The following CHRNA7 variants were observed in gnomAD, a reference collection of about 807,000 sequenced individuals.
CHRNA7 encodes the protein neuronal acetylcholine receptor subunit alpha-7.
In CHRNA7, 17 loss-of-function variants were observed where a neutral mutation model predicts 48.0. That is an observed-to-expected ratio of 0.35 (90% CI 0.24 to 0.53). The LOEUF (loss-of-function observed/expected upper bound fraction) is 0.53. Among genes scored for constraint, CHRNA7 ranks in the 20% least tolerant of loss-of-function variants. The pLI is 0.92. For missense variants in CHRNA7, 155 were observed against 577.7 expected (o/e 0.27, Z 7.50); for synonymous variants, 75 against 242.3 (o/e 0.31, Z 6.41).
chr15:32,069,786 T>G (rs531404213), intron 2 of CHRNA7, among the ~76,000 whole-genome samples: 1 of 152,294 alleles, frequency 6.6e-6, no homozygotes, highest in Non-Finnish European at 1.5e-5. Flanking sequence ...AATTGTTCAG[T>G]GTGAAAAGAG....
chr15:32,098,300 G>A (rs1484849051), intron 2 of CHRNA7, among the ~76,000 whole-genome samples: 1 of 152,182 alleles, frequency 6.6e-6, no homozygotes, highest in East Asian at 1.9e-4. Context: ...AAAAGGCTGT[G>A]GGGAAAGGGG....
chr15:32,148,431 C>T (rs922462833), intron 4 of CHRNA7, among the ~76,000 whole-genome samples: 23 of 152,278 alleles, frequency 1.5e-4, no homozygotes, highest in South Asian at 6.2e-4. Flanking sequence ...CGTGCTCAGC[C>T]GTAGAGGTCA....
At chr15:32,062,104 T>C (rs892561699) in intron 2 of CHRNA7, among the ~76,000 whole-genome samples, 2 of 152,232 alleles carry the variant, frequency 1.3e-5, no homozygotes, top group Admixed American at 1.3e-4. Context: ...CTAACTCTTT[T>C]AGCTGTTTCT....
intron 4 of CHRNA7, among the ~76,000 whole-genome samples, chr15:32,138,519 A>G (rs1183060628): frequency 6.7e-6 from 1 of 149,870 alleles, no homozygotes; most frequent in East Asian, 2.0e-4. Flanking sequence ...AGATGAACTG[A>G]TGCAGACACA....
At chr15:32,078,378 T>C (rs1349749518) in intron 2 of CHRNA7, among the ~76,000 whole-genome samples, 1 of 152,164 alleles carries the variant, frequency 6.6e-6, no homozygotes, top group African/African-American at 2.4e-5. Context: ...GTGATCCATT[T>C]TGAGTTAATT....
At chr15:32,114,827 T>G (rs1411479325) in intron 4 of CHRNA7, among the ~76,000 whole-genome samples, 1 of 152,220 alleles carries the variant, frequency 6.6e-6, no homozygotes, top group Non-Finnish European at 1.5e-5. Flanking sequence ...GGTTGTCTCT[T>G]TCACGTGGCA....
chr15:32,114,036 A>ATG (rs1566848746), intron 4 of CHRNA7, among the ~76,000 whole-genome samples: 76 of 80,248 alleles, frequency 9.5e-4, no homozygotes, highest in African/African-American at 2.6e-3. Flanking sequence ...ATATATATAT[A>ATG]TATATATGTA....
chr15:32,132,112 G>A (rs1323816045), intron 4 of CHRNA7, among the ~76,000 whole-genome samples: 2 of 152,182 alleles, frequency 1.3e-5, no homozygotes. Flanking sequence ...GGCCTTTGCT[G>A]ATGAGGCTGC....
At chr15:32,132,282 C>T (rs2051170508) in intron 4 of CHRNA7, among the ~76,000 whole-genome samples, 1 of 152,082 alleles carries the variant, frequency 6.6e-6, no homozygotes, top group South Asian at 2.1e-4. Context: ...TTTTTTGGTG[C>T]ATTCTTCTCC....
chr15:32,048,196 AGGGAGATTCCCTCTTT>A (rs2049590822), intron 2 of CHRNA7, among the ~76,000 whole-genome samples: 1 of 152,190 alleles, frequency 6.6e-6, no homozygotes, highest in Non-Finnish European at 1.5e-5. Context: ...GAAATGAGTT[AGGGAGATTCCCTCTTT>A]TTCTGTTGAT....
chr15:32,073,570 G>A (rs1240300549), intron 2 of CHRNA7, among the ~76,000 whole-genome samples: 4 of 152,162 alleles, frequency 2.6e-5, no homozygotes, highest in Admixed American at 2.6e-4. Context: ...TATGGTTTGG[G>A]TATTTGTTCC....
At chr15:32,138,805 G>A (rs973603549) in intron 4 of CHRNA7, among the ~76,000 whole-genome samples, 3 of 151,490 alleles carry the variant, frequency 2.0e-5, no homozygotes, top group African/African-American at 7.3e-5. Flanking sequence ...CCAGGCTGGA[G>A]TGCAGTGGTG....
chr15:32,136,959 G>A (rs1190277935), intron 4 of CHRNA7, among the ~76,000 whole-genome samples: 1 of 147,378 alleles, frequency 6.8e-6, no homozygotes. Flanking sequence ...GTGAACCCGG[G>A]AGGCGGAGCT....
intron 9 of CHRNA7, among the ~76,000 whole-genome samples, chr15:32,166,790 C>T (rs1449960812): frequency 2.2e-5 from 3 of 135,074 alleles, no homozygotes; most frequent in Non-Finnish European, 4.6e-5. Flanking sequence ...CTCTTCTTTC[C>T]ATGAGAGGCA....
chr15:32,127,885 A>G (rs1018555527), intron 4 of CHRNA7, among the ~76,000 whole-genome samples: 6 of 152,088 alleles, frequency 3.9e-5, no homozygotes, highest in African/African-American at 1.4e-4. Context: ...CTTGGAACTC[A>G]TAGCCTAGAG....
intron 4 of CHRNA7, among the ~76,000 whole-genome samples, chr15:32,120,994 G>A (rs2050958937): frequency 1.3e-5 from 2 of 152,220 alleles, no homozygotes; most frequent in East Asian, 3.9e-4. Flanking sequence ...CTGCTGTGGG[G>A]TCCCTGCGCG....
intron 4 of CHRNA7, among the ~76,000 whole-genome samples, chr15:32,150,375 A>C (rs1405691730): frequency 6.6e-6 from 1 of 151,954 alleles, no homozygotes; most frequent in Non-Finnish European, 1.5e-5. Flanking sequence ...CATGCTTTCT[A>C]TGTTGCTGCT....
At chr15:32,059,004 A>AT (rs144867243) in intron 2 of CHRNA7, among the ~76,000 whole-genome samples, 22 of 149,054 alleles carry the variant, frequency 1.5e-4, no homozygotes, top group Admixed American at 3.3e-4. Flanking sequence ...TCTTCTTTGT[A>AT]TTTTTTTTTT....
At chr15:32,127,243 T>A (rs2051082452) in intron 4 of CHRNA7, among the ~76,000 whole-genome samples, 1 of 152,152 alleles carries the variant, frequency 6.6e-6, no homozygotes, top group Admixed American at 6.5e-5. Context: ...TGTTTTCAGT[T>A]TTTCGCTATT....
Sources: allele counts gnomAD v4.1 joint callset (sites outside exome capture counted in the v4.1 genomes callset), GRCh38; gene constraint gnomAD v4.1.1; transcripts MANE v1.5; gene names NCBI Gene and HGNC (gene_info 2026-07-23, HGNC 2026-07-21).